THNSL1: variants seen among roughly 807,000 people sequenced by gnomAD.
THNSL1 encodes the protein threonine synthase-like 1.
Under a neutral mutation model 50.4 loss-of-function variants are expected in THNSL1, and 48 were observed. The ratio of observed to expected loss-of-function variants is 0.95; its 90% CI spans 0.76 to 1.21. The LOEUF (loss-of-function observed/expected upper bound fraction) is 1.21, where lower values mean the gene tolerates loss of function less well. Among genes scored for constraint, THNSL1 ranks in the 50% most tolerant of loss-of-function variants. The pLI, the probability that THNSL1 is intolerant of heterozygous loss-of-function variation, is 0.00. For missense variants in THNSL1, 896 were observed against 871.7 expected, an observed-to-expected ratio of 1.03 and a Z score of -0.35; for synonymous variants, 309 against 306.1, an observed-to-expected ratio of 1.01 and a Z score of -0.10.
the THNSL1 span, among the ~76,000 whole-genome samples, chr10:24,989,436 C>A: frequency 0.024 from 3,723 of 152,234 alleles, 149 homozygotes; most frequent in African/African-American, 0.084. Context: ...CATTTTCAGG[C>A]CCAGCTAACG....
chr10:25,024,588 C>T lies in THNSL1; in HGVS notation c.1365C>T (p.Gly455=). The T allele has an allele frequency of 6.2e-7, 1 of 1,614,118 alleles. No individual in the cohort carries two copies. Among genetic ancestry groups the T allele is most frequent in the African/African-American group, 1.3e-5 (1 of 75,042 alleles). ...TTTTTAATGATTCTGATTTTACTGG[C>T]TTTCTTACTGTGGAATATGGAACAA... ...KRIFNDSDFT[G]FLTVEYGTIL... is the part of the protein sequence containing the mutation. The change falls in exon 3 of 3, where the codon GGC becomes GGT. Residue 455 remains glycine, a synonymous_variant. Transcript: ENST00000376356.
the THNSL1 span, among the ~76,000 whole-genome samples, chr10:24,954,710 A>C: frequency 2.0e-5 from 3 of 152,198 alleles, no homozygotes; most frequent in African/African-American, 7.2e-5. Context: ...TGATGAGTAA[A>C]TAGTTTTTAA....
chr10:24,998,095 C>T, the THNSL1 span, among the ~76,000 whole-genome samples: 2 of 152,078 alleles, frequency 1.3e-5, no homozygotes, highest in African/African-American at 4.8e-5. Context: ...AGTGCCCTCA[C>T]CTTTTTTCAT....
chr10:24,998,234 C>T, the THNSL1 span, among the ~76,000 whole-genome samples: 2 of 152,236 alleles, frequency 1.3e-5, no homozygotes, highest in African/African-American at 4.8e-5. Flanking sequence ...TGCCAGCAGA[C>T]ATAAAAAGCC....
chr10:25,001,623 T>C, the THNSL1 span, among the ~76,000 whole-genome samples: 1 of 152,176 alleles, frequency 6.6e-6, no homozygotes, highest in Non-Finnish European at 1.5e-5. Flanking sequence ...CATCTAAATT[T>C]TCTTTTTCAG....
chr10:25,024,186 C>T lies in THNSL1; in HGVS notation c.963C>T (p.Asn321=). Residue 321 remains asparagine (N), a synonymous_variant, in exon 3 of 3, where the codon AAC becomes AAT. Coordinates refer to ENST00000376356, the MANE Select transcript of THNSL1 (RefSeq NM_024838.5). Reference sequence around the variant, plus strand: ...TGATTGAAACTGCTTATGGGGAAAACTTTGCCTGCTCAAAAATTGCTCCTG... The same window carrying T: ...TGATTGAAACTGCTTATGGGGAAAATTTTGCCTGCTCAAAAATTGCTCCTG... The part of the protein sequence containing the change: ...GEMIETAYGE[N]FACSKIAPVR... 6.2e-7 allele frequency: 1 copy of T among 1,614,226 alleles called. No homozygotes were observed. The highest frequency in any genetic ancestry group is 1.3e-5 in the African/African-American group (1 of 75,060).
chr10:24,999,349 A>G, the THNSL1 span: 1 of 1,523,906 alleles, frequency 6.6e-7, no homozygotes, highest in Non-Finnish European at 8.9e-7. Context: ...AATAATAGTT[A>G]AATCACCTGC....
Position 25,023,299 on chromosome 10 carries a change from G to C in THNSL1, c.76G>C (p.Asp26His), listed in dbSNP as rs747080268. ...KCFSSIHVKT[D>H]KHAQRFLSRT... ...TTTTTCTAGTATACATGTTAAAACG[G>C]ATAAACATGCACAGCGATTTCTTTC... Residue 26 changes from aspartate (D) to histidine (H), a missense_variant, in exon 3 of 3, where the codon GAT becomes CAT. Asp to His is a moderately conservative substitution (Grantham distance 81). Coordinates refer to ENST00000376356, the MANE Select transcript of THNSL1 (RefSeq NM_024838.5). 2 of 1,614,078 alleles carry C rather than the reference G, an allele frequency of 1.2e-6. No individual in the cohort carries two copies. Among genetic ancestry groups the C allele is most frequent in the Non-Finnish European group, 8.5e-7 (1 of 1,179,968 alleles).
At chr10:24,959,658 T>A in the THNSL1 span, among the ~76,000 whole-genome samples, 17 of 152,198 alleles carry the variant, frequency 1.1e-4, no homozygotes, top group African/African-American at 3.9e-4. Context: ...CAAAATGCAA[T>A]GTAATGCAAC....
chr10:25,017,117 C>T (rs1161061748), intron 1 of THNSL1, among the ~76,000 whole-genome samples: 4 of 152,212 alleles, frequency 2.6e-5, no homozygotes, highest in African/African-American at 7.2e-5. Flanking sequence ...CTAGGTCGTT[C>T]TCCAGGAACC....
At chr10:25,007,923 T>C in the THNSL1 span, among the ~76,000 whole-genome samples, 1 of 150,852 alleles carries the variant, frequency 6.6e-6, no homozygotes, top group Admixed American at 6.6e-5. Context: ...AGGCCTTCAA[T>C]TGTAATTCTA....
At chr10:24,953,375 C>T in the THNSL1 span, 2 of 152,542 alleles carry the variant, frequency 1.3e-5, no homozygotes, top group Non-Finnish European at 2.9e-5. Context: ...TTCGGCCTTT[C>T]GTCAACTGCA....
the THNSL1 span, among the ~76,000 whole-genome samples, chr10:24,958,205 C>A: frequency 1.1e-4 from 17 of 151,620 alleles, no homozygotes; most frequent in African/African-American, 3.4e-4. Flanking sequence ...AAAAAAAAAA[C>A]CTTTCAGTCT....
chr10:24,990,636 A>G, the THNSL1 span: 1 of 1,585,938 alleles, frequency 6.3e-7, no homozygotes, highest in South Asian at 1.2e-5. Flanking sequence ...GAAAAAAGTA[A>G]TCAATATTTT....
At chr10:24,966,017 G>C in the THNSL1 span, among the ~76,000 whole-genome samples, 988 of 152,328 alleles carry the variant, frequency 6.5e-3, 3 homozygotes, top group Non-Finnish European at 0.01. Context: ...AACTGGCAGA[G>C]AAAATAAGTT....
At chr10:25,017,458 T>TC (rs1850627334) in intron 1 of THNSL1, among the ~76,000 whole-genome samples, 1 of 152,094 alleles carries the variant, frequency 6.6e-6, no homozygotes, top group South Asian at 2.1e-4. Context: ...AAAACACACT[T>TC]GAGTCTGGGT....
chr10:25,012,557 C>A (rs1850475573), upstream of THNSL1, among the ~76,000 whole-genome samples: 1 of 152,218 alleles, frequency 6.6e-6, no homozygotes. Context: ...CAAAGGAGAT[C>A]ATTTTGGAAC....
intron 1 of THNSL1, among the ~76,000 whole-genome samples, chr10:25,017,692 C>G (rs563989430): frequency 6.1e-5 from 9 of 147,810 alleles, no homozygotes; most frequent in African/African-American, 2.3e-4. Context: ...CTCCAGATTT[C>G]TTCACATCAG....
the THNSL1 span, among the ~76,000 whole-genome samples, chr10:24,964,518 C>T: frequency 6.6e-6 from 1 of 152,154 alleles, no homozygotes; most frequent in Non-Finnish European, 1.5e-5. Context: ...AATTAGAGAC[C>T]TGCACTTTCT....
Sources: gnomAD v4.1 joint callset for allele counts (sites outside exome capture counted in the v4.1 genomes callset) on GRCh38, gnomAD v4.1.1 for gene constraint, MANE v1.5 for transcripts, NCBI Gene and HGNC (gene_info 2026-07-23, HGNC 2026-07-21) for gene names.